The following TOM1L2 variants were observed in gnomAD, a reference collection of about 807,000 sequenced individuals.
The protein encoded by TOM1L2 is TOM1-like protein 2.
A neutral mutation model predicts 67.9 loss-of-function variants in TOM1L2; 31 were observed. The observed-to-expected ratio is 0.46, with a 90% CI of 0.34 to 0.62. The LOEUF (loss-of-function observed/expected upper bound fraction) is 0.62. Among genes scored for constraint, TOM1L2 ranks in the 20% least tolerant of loss-of-function variants. The pLI is 0.01. For synonymous variants in TOM1L2, 256 were observed against 254.0 expected (o/e 1.01, Z -0.07); for missense variants, 606 against 663.5 (o/e 0.91, Z 0.95).
intron 7 of TOM1L2, among the ~76,000 whole-genome samples, chr17:17,875,415 T>C (rs777176892): frequency 6.6e-6 from 1 of 152,164 alleles, no homozygotes; most frequent in African/African-American, 2.4e-5. Context: ...CTTGGGAGAC[T>C]TTCCTCTGCT....
At chr17:17,871,239 C>A (rs536583333) in intron 7 of TOM1L2, among the ~76,000 whole-genome samples, 44 of 152,006 alleles carry the variant, frequency 2.9e-4, no homozygotes, top group Non-Finnish European at 5.0e-4. Flanking sequence ...GCGTTGGTGG[C>A]GGGCACCTGT....
intron 1 of TOM1L2, among the ~76,000 whole-genome samples, chr17:17,923,472 T>C (rs1378524130): frequency 1.3e-5 from 2 of 151,914 alleles, no homozygotes; most frequent in African/African-American, 4.8e-5. Flanking sequence ...AACACTTGTA[T>C]TAACATGTAT....
intron 8 of TOM1L2, 129 bp downstream of exon 8, chr17:17,869,211 C>G (rs1179352788): frequency 6.6e-7 from 1 of 1,510,068 alleles, no homozygotes; most frequent in African/African-American, 1.4e-5. Context: ...ATTAGCATCT[C>G]TGATGAGTAT....
intron 1 of TOM1L2, among the ~76,000 whole-genome samples, chr17:17,911,701 GA>G: frequency 6.7e-6 from 1 of 149,624 alleles, no homozygotes; most frequent in East Asian, 2.0e-4. Flanking sequence ...GTTTCTCACA[GA>G]GGGGGATTTG....
At chr17:17,932,084 G>T (rs1427172971) in intron 1 of TOM1L2, among the ~76,000 whole-genome samples, 1 of 152,120 alleles carries the variant, frequency 6.6e-6, no homozygotes, top group Non-Finnish European at 1.5e-5. Context: ...TAACTCACAG[G>T]AGACTATTCT....
At chr17:17,914,605 A>G (rs2039550206) in intron 1 of TOM1L2, among the ~76,000 whole-genome samples, 1 of 152,180 alleles carries the variant, frequency 6.6e-6, no homozygotes, top group South Asian at 2.1e-4. Flanking sequence ...CATCTTGTAG[A>G]CAAGTATCAA....
At position 17,900,012 on chromosome 17, in the gene TOM1L2, G is replaced by C. The variant is rs558568490; in HGVS notation, c.138-1338C>G. 5.9e-5 allele frequency among the ~76,000 whole-genome samples: 9 copies of C among 152,250 alleles called. No individual in the cohort carries two copies. In the South Asian group the frequency reaches 1.7e-3, roughly 28 times the overall value. On this transcript the variant is annotated intron_variant, in intron 2 of 14. Transcript: ENST00000379504. ...GGATAACCTGAGGACAGGAGTTTGA[G>C]ACCAGCCTGGCCAACATGGTGAAAC...
intron 11 of TOM1L2, among the ~76,000 whole-genome samples, 162 bp from the exon 12 acceptor site, chr17:17,861,713 T>A: frequency 6.6e-6 from 1 of 152,184 alleles, no homozygotes; most frequent in East Asian, 1.9e-4. Flanking sequence ...TAAGGGCTCA[T>A]GTTGTCTGTC....
intron 2 of TOM1L2, among the ~76,000 whole-genome samples, chr17:17,903,772 A>C (rs1308459237): frequency 1.3e-5 from 2 of 152,134 alleles, no homozygotes; most frequent in Non-Finnish European, 2.9e-5. Flanking sequence ...CGGGTTATGA[A>C]ATCATATAAC....
At chr17:17,923,331 G>A (rs1327099396) in intron 1 of TOM1L2, among the ~76,000 whole-genome samples, 3 of 152,078 alleles carry the variant, frequency 2.0e-5, no homozygotes, top group Non-Finnish European at 2.9e-5. Context: ...AACCCGGGAG[G>A]TGGAGGTTGC....
At chr17:17,898,473 C>A in intron 3 of TOM1L2, 123 bp downstream of exon 3, 1 of 985,188 alleles carries the variant, frequency 1.0e-6, no homozygotes, top group Non-Finnish European at 1.6e-6. Context: ...ACTCCAGTGG[C>A]CCAGGCACCA....
intron 1 of TOM1L2, among the ~76,000 whole-genome samples, chr17:17,951,877 G>A (rs2041219952): frequency 6.6e-6 from 1 of 152,196 alleles, no homozygotes; most frequent in Admixed American, 6.5e-5. Context: ...ATTAAAAGAT[G>A]CCCAGTACTG....
At chr17:17,890,370 T>C (rs2038214004) in intron 4 of TOM1L2, among the ~76,000 whole-genome samples, 1 of 152,142 alleles carries the variant, frequency 6.6e-6, no homozygotes, top group African/African-American at 2.4e-5. Flanking sequence ...TATTTGGCCA[T>C]TTTTGACCAA....
At chr17:17,851,022 C>T in intron 12 of TOM1L2, 70 bp from the exon 13 acceptor site, 2 of 1,553,630 alleles carry the variant, frequency 1.3e-6, no homozygotes, top group Non-Finnish European at 1.8e-6. Flanking sequence ...AACACCGGAA[C>T]AAAGGAAATC....
At chr17:17,862,887 A>G in intron 10 of TOM1L2, 39 bp from the exon 11 acceptor site, 1 of 1,436,086 alleles carries the variant, frequency 7.0e-7, no homozygotes, top group South Asian at 1.1e-5. Context: ...ATGAGAACAA[A>G]ATGTAGACTG....
In TOM1L2 at chr17:17,964,782, T is replaced by C. The variant is rs117960192; in HGVS notation, c.52+7480A>G. On this transcript the variant is annotated intron_variant, in intron 1 of 14. Coordinates refer to ENST00000379504, the MANE Select transcript of TOM1L2 (RefSeq NM_001082968.2). ...AAAAATAAATAAATAAAAAGCACAA[T>C]TATATGAGAATTTTAGATATTCCGA... Among the ~76,000 whole-genome samples the C allele has an allele frequency of 1.2e-3, 187 of 152,146 alleles. 1 individual carries two copies. The highest frequency in any genetic ancestry group is 2.1e-3 in the South Asian group (10 of 4,818).
At chr17:17,970,531 C>T (rs1289726218) in intron 1 of TOM1L2, among the ~76,000 whole-genome samples, 2 of 152,062 alleles carry the variant, frequency 1.3e-5, no homozygotes, top group Non-Finnish European at 2.9e-5. Context: ...AGTGTGGCTG[C>T]CATGCAAGAG....
chr17:17,904,011 T>TA (rs2038977234), intron 2 of TOM1L2, among the ~76,000 whole-genome samples: 2 of 152,056 alleles, frequency 1.3e-5, no homozygotes, highest in African/African-American at 4.8e-5. Context: ...TTATTATTAT[T>TA]TTTAAGATAT....
intron 1 of TOM1L2, among the ~76,000 whole-genome samples, chr17:17,921,431 T>G (rs2039863671): frequency 6.6e-6 from 1 of 152,168 alleles, no homozygotes. Flanking sequence ...CCACTGGTAT[T>G]TGATGTATGC....
Sources: gnomAD v4.1 joint callset for allele counts (sites outside exome capture counted in the v4.1 genomes callset) on GRCh38, gnomAD v4.1.1 for gene constraint, MANE v1.5 for transcripts, NCBI Gene and HGNC (gene_info 2026-07-23, HGNC 2026-07-21) for gene names.